Variants in LITAF observed in about 807,000 individuals in gnomAD.
The protein encoded by LITAF is lipopolysaccharide-induced tumor necrosis factor-alpha factor.
Under a neutral mutation model 14.5 loss-of-function variants are expected in LITAF, and 9 were observed. The ratio of observed to expected loss-of-function variants is 0.62; its 90% CI spans 0.37 to 1.08. The LOEUF (loss-of-function observed/expected upper bound fraction) is 1.08. Among genes scored for constraint, LITAF ranks in the 50% least tolerant of loss-of-function variants. LITAF has a pLI of 0.01. For synonymous variants in LITAF, 98 were observed against 88.2 expected, an observed-to-expected ratio of 1.11 and a Z score of -0.62; for missense variants, 206 against 213.4, an observed-to-expected ratio of 0.97 and a Z score of 0.22.
chr16:11,560,177 A>C (rs759184436), intron 1 of LITAF, among the ~76,000 whole-genome samples: 2 of 151,240 alleles, frequency 1.3e-5, no homozygotes, highest in Non-Finnish European at 1.5e-5. Context: ...GGCGCCTGTA[A>C]TCCCAGCTAC....
At chr16:11,609,988 C>G (rs1208720083) in intron 3 of LITAF, among the ~76,000 whole-genome samples, 1 of 152,192 alleles carries the variant, frequency 6.6e-6, no homozygotes, top group Admixed American at 6.5e-5. Context: ...CCAAATGACC[C>G]CAATGATTTG....
chr16:11,615,328 G>A (rs1207887677), intron 3 of LITAF, among the ~76,000 whole-genome samples: 1 of 152,194 alleles, frequency 6.6e-6, no homozygotes, highest in Non-Finnish European at 1.5e-5. Context: ...CCTGAGGTCA[G>A]GAGTTCAAGA....
chr16:11,600,684 A>G (rs1380997214), upstream of LITAF, among the ~76,000 whole-genome samples: 1 of 151,710 alleles, frequency 6.6e-6, no homozygotes, highest in Non-Finnish European at 1.5e-5. This position sits in a 1 kb window ranked among gnomAD's most constrained non-coding sequence, Gnocchi z 4.1. Flanking sequence ...TTTTTGCAAT[A>G]CTCACAAACC....
chr16:11,551,749 A>C (rs1163454274), intron 3 of LITAF: 3 of 685,270 alleles, frequency 4.4e-6, no homozygotes, highest in Non-Finnish European at 8.0e-6. Flanking sequence ...GGCGGATTGC[A>C]GGAGCCCAGG....
intron 3 of LITAF, among the ~76,000 whole-genome samples, chr16:11,607,597 A>C (rs2064961238): frequency 6.6e-6 from 1 of 152,118 alleles, no homozygotes; most frequent in African/African-American, 2.4e-5. Flanking sequence ...CAACGTCCTC[A>C]TTAAAAAAAT....
At chr16:11,602,150 T>C (rs762159649), upstream of LITAF, among the ~76,000 whole-genome samples, 13 of 152,036 alleles carry the variant, frequency 8.6e-5, no homozygotes, top group Non-Finnish European at 1.8e-4. Flanking sequence ...TTGCCTGAGC[T>C]CAGGAGTTCG....
intron 1 of LITAF, among the ~76,000 whole-genome samples, chr16:11,572,818 C>G (rs1165327288): frequency 6.6e-6 from 1 of 152,118 alleles, no homozygotes; most frequent in Non-Finnish European, 1.5e-5. Context: ...AACAGTAACG[C>G]AGCGGTGTCA....
upstream of LITAF, among the ~76,000 whole-genome samples, chr16:11,602,392 A>G (rs558075449): frequency 1.3e-5 from 2 of 152,216 alleles, no homozygotes; most frequent in South Asian, 4.1e-4. Flanking sequence ...TGCCACTGTT[A>G]AGGAGGAAGG....
At chr16:11,596,274 C>T (rs1363811185) in intron 1 of LITAF, among the ~76,000 whole-genome samples, 1 of 152,056 alleles carries the variant, frequency 6.6e-6, no homozygotes, top group Non-Finnish European at 1.5e-5. Flanking sequence ...TGCTTCAGGG[C>T]AGGGGCCCTG....
At chr16:11,638,046 A>C (rs578071573), upstream of LITAF, among the ~76,000 whole-genome samples, 169 of 101,702 alleles carry the variant, frequency 1.7e-3, 13 homozygotes, top group African/African-American at 8.3e-3. Context: ...ATATATCTAT[A>C]TATATATCTA....
intron 1 of LITAF, among the ~76,000 whole-genome samples, chr16:11,594,329 G>A (rs2064868249): frequency 1.3e-5 from 2 of 151,610 alleles, no homozygotes; most frequent in Admixed American, 6.6e-5. Context: ...CATAAACCAG[G>A]CATCTATGTG....
exon 1 of LITAF, chr16:11,636,262 C>T (rs2065137824): frequency 6.6e-6 from 1 of 152,132 alleles, no homozygotes; most frequent in Admixed American, 6.6e-5. Flanking sequence ...TGTCTGACAG[C>T]CATGCAAAAC....
chr16:11,624,740 AC>A (rs2065073093), intron 3 of LITAF, among the ~76,000 whole-genome samples: 1 of 152,210 alleles, frequency 6.6e-6, no homozygotes, highest in South Asian at 2.1e-4. Context: ...AAAATGAAAA[AC>A]ATGGTCGCAG....
chr16:11,594,218 G>C (rs1248291660), intron 1 of LITAF, among the ~76,000 whole-genome samples: 2 of 151,816 alleles, frequency 1.3e-5, no homozygotes, highest in Non-Finnish European at 2.9e-5. Flanking sequence ...ACTAGATACT[G>C]GTGGTGACTG....
At chr16:11,618,521 A>G (rs891605662) in intron 3 of LITAF, among the ~76,000 whole-genome samples, 8 of 152,166 alleles carry the variant, frequency 5.3e-5, no homozygotes, top group African/African-American at 1.7e-4. Context: ...GGTGTCAGAG[A>G]ATCTGGAGAG....
chr16:11,630,176 GTGTT>G (rs2065109328), intron 3 of LITAF, among the ~76,000 whole-genome samples: 1 of 152,128 alleles, frequency 6.6e-6, no homozygotes. Context: ...CCAAACCTCT[GTGTT>G]TGGGAGTCCT....
At chr16:11,569,375 G>A (rs531446728) in intron 1 of LITAF, among the ~76,000 whole-genome samples, 5 of 152,042 alleles carry the variant, frequency 3.3e-5, no homozygotes, top group Non-Finnish European at 7.4e-5. Flanking sequence ...CAAGTACCTG[G>A]GATTACAGGC....
Position 11,627,473 on chromosome 16 carries a change from A to G in LITAF, c.85+6060T>C, listed in dbSNP as rs148173013. Among the ~76,000 whole-genome samples the G allele has an allele frequency of 6.2e-3, 941 of 152,374 alleles. 12 individuals carry two copies. The highest frequency in any genetic ancestry group is 0.022 in the African/African-American group (916 of 41,584). ...TCCCAGTGACACAATACATTCTGCA[A>G]TGGCATAAACCAGTTCCAGTGGGAT... On this transcript the variant is annotated intron_variant, in intron 3 of 3. Transcript: ENST00000574848.
chr16:11,574,294 G>T (rs2064595411), intron 1 of LITAF, among the ~76,000 whole-genome samples: 1 of 151,858 alleles, frequency 6.6e-6, no homozygotes, highest in South Asian at 2.1e-4. Flanking sequence ...CTCCCACCTT[G>T]GCCTCTCAAA....
Sources: allele counts gnomAD v4.1 joint callset (sites outside exome capture counted in the v4.1 genomes callset), GRCh38; gene constraint gnomAD v4.1.1; non-coding constraint Gnocchi (gnomAD v3.1); transcripts MANE v1.5; gene names NCBI Gene and HGNC (gene_info 2026-07-23, HGNC 2026-07-21).